NTM: variants seen among roughly 807,000 people sequenced by gnomAD.
The protein encoded by NTM is neurotrimin.
Under a neutral mutation model 42.1 loss-of-function variants are expected in NTM, and 13 were observed. That is an observed-to-expected ratio of 0.31 (90% confidence interval 0.20 to 0.49). NTM has a LOEUF of 0.49. NTM is among the 20% of genes least tolerant of loss of function. The probability of loss-of-function intolerance (pLI) is 0.99; values close to 1 mark genes in which losing one functional copy is unlikely to be tolerated. For synonymous variants in NTM, 187 were observed against 179.2 expected (o/e 1.04, Z -0.35); for missense variants, 373 against 452.8 (o/e 0.82, Z 1.60).
At position 131,860,801 on chromosome 11, in the gene NTM, A is replaced by G. The variant is rs538468905; in HGVS notation, c.83-50763A>G. On this transcript the variant is annotated intron_variant, in intron 1 of 8. Coordinates refer to ENST00000683400, the MANE Select transcript of NTM (RefSeq NM_001352005.2). The stretch of plus-strand genomic sequence containing the variant: ...GTAGAGGTGATGGTGGGGCTACATC[A>G]TCTTTCTGATTTGCACAACCTTCAT... 1.3e-3 allele frequency among the ~76,000 whole-genome samples: 200 copies of G among 152,200 alleles called. 1 individual carries two copies. Among genetic ancestry groups the G allele is most frequent in the African/African-American group, 4.6e-3 (190 of 41,522 alleles).
intron 1 of NTM, among the ~76,000 whole-genome samples, chr11:131,506,011 G>A (rs1591861656): frequency 6.6e-6 from 1 of 152,156 alleles, no homozygotes; most frequent in African/African-American, 2.4e-5. Context: ...TAAGAAGCCT[G>A]TTGGTGTTTC....
At chr11:131,483,875 G>T (rs1283641257) in intron 1 of NTM, among the ~76,000 whole-genome samples, 1 of 152,240 alleles carries the variant, frequency 6.6e-6, no homozygotes, top group Non-Finnish European at 1.5e-5. Context: ...CTTCTGCCTG[G>T]CGCTGCCGGC....
intron 2 of NTM, among the ~76,000 whole-genome samples, chr11:132,045,775 A>G (rs1278290436): frequency 1.3e-5 from 2 of 152,096 alleles, no homozygotes; most frequent in Admixed American, 6.5e-5. Flanking sequence ...CACGTGGGAC[A>G]TGGCAGCCAT....
chr11:131,990,908 G>C (rs910207675), intron 2 of NTM, among the ~76,000 whole-genome samples: 1 of 152,078 alleles, frequency 6.6e-6, no homozygotes, highest in African/African-American at 2.4e-5. Context: ...TGTTTTTATA[G>C]TGAGCGGGCT....
chr11:131,623,220 C>T (rs544506749), intron 1 of NTM, among the ~76,000 whole-genome samples: 1 of 152,308 alleles, frequency 6.6e-6, no homozygotes, highest in East Asian at 1.9e-4. Context: ...TGTGTGATCG[C>T]TGGGTGACCT....
chr11:131,766,849 G>A (rs931004868), intron 1 of NTM, among the ~76,000 whole-genome samples: 1 of 152,028 alleles, frequency 6.6e-6, no homozygotes, highest in Admixed American at 6.6e-5. Context: ...TGAGTAACGG[G>A]GCCCGTAAAT....
At chr11:131,965,694 A>C (rs1024226272) in intron 2 of NTM, among the ~76,000 whole-genome samples, 1 of 151,976 alleles carries the variant, frequency 6.6e-6, no homozygotes, top group African/African-American at 2.4e-5. Context: ...GCATCTTTCA[A>C]CTCTTGTCAC....
intron 1 of NTM, among the ~76,000 whole-genome samples, chr11:131,501,067 C>T (rs1284656700): frequency 8.6e-5 from 13 of 151,972 alleles, no homozygotes; most frequent in Admixed American, 3.3e-4. Context: ...TGCCTAGTTA[C>T]ATAACCACAA....
At chr11:131,909,108 T>G (rs962457457) in intron 1 of NTM, among the ~76,000 whole-genome samples, 3 of 152,212 alleles carry the variant, frequency 2.0e-5, no homozygotes, top group Admixed American at 2.0e-4. Flanking sequence ...TTTTGAGATA[T>G]TCACTGTAAA....
chr11:131,784,013 G>A (rs1235512608), intron 1 of NTM, among the ~76,000 whole-genome samples: 1 of 151,996 alleles, frequency 6.6e-6, no homozygotes, highest in East Asian at 1.9e-4. Context: ...CAATGAGAAA[G>A]ATCAATAATC....
At chr11:131,432,946 C>G (rs1007148341) in intron 1 of NTM, among the ~76,000 whole-genome samples, 2 of 143,790 alleles carry the variant, frequency 1.4e-5, no homozygotes, top group Non-Finnish European at 3.0e-5. Context: ...GCTCCGCCTC[C>G]CTGGTTCATG....
intron 1 of NTM, among the ~76,000 whole-genome samples, chr11:131,379,313 G>T (rs867192661): frequency 6.6e-6 from 1 of 152,216 alleles, no homozygotes; most frequent in African/African-American, 2.4e-5. Flanking sequence ...GCATCTGTCA[G>T]ATTTCAGGAA....
chr11:131,475,097 C>A (rs943417635), intron 1 of NTM, among the ~76,000 whole-genome samples: 1 of 152,168 alleles, frequency 6.6e-6, no homozygotes, highest in South Asian at 2.1e-4. Flanking sequence ...CTTCCTCTTT[C>A]CTCCACCATC....
chr11:131,434,868 C>T (rs1174922514), intron 1 of NTM, among the ~76,000 whole-genome samples: 2 of 152,176 alleles, frequency 1.3e-5, no homozygotes, highest in Admixed American at 1.3e-4. Flanking sequence ...CTCGCCCATG[C>T]CTATGTCCTG....
chr11:131,978,476 A>G (rs147522153), intron 2 of NTM, among the ~76,000 whole-genome samples: 37 of 152,278 alleles, frequency 2.4e-4, no homozygotes, highest in African/African-American at 8.7e-4. Context: ...CAGAAGAAAA[A>G]AAACAGTAGA....
chr11:131,396,235 G>GA (rs1944537469), intron 1 of NTM, among the ~76,000 whole-genome samples: 1 of 152,150 alleles, frequency 6.6e-6, no homozygotes, highest in African/African-American at 2.4e-5. Context: ...CCTACAAAAC[G>GA]GGGTCCATAT....
At chr11:131,993,114 TAGAAG>T (rs2067321214) in intron 2 of NTM, among the ~76,000 whole-genome samples, 1 of 152,150 alleles carries the variant, frequency 6.6e-6, no homozygotes, top group African/African-American at 2.4e-5. Context: ...GTAAGAAATT[TAGAAG>T]AGAGGAAACC....
intron 3 of NTM, among the ~76,000 whole-genome samples, chr11:132,184,731 C>T (rs2078130970): frequency 6.6e-6 from 1 of 152,156 alleles, no homozygotes; most frequent in Non-Finnish European, 1.5e-5. Context: ...TTTGTAATTA[C>T]ACAAGATGAA....
At chr11:131,685,847 G>A (rs1298806688) in intron 1 of NTM, among the ~76,000 whole-genome samples, 1 of 152,188 alleles carries the variant, frequency 6.6e-6, no homozygotes, top group African/African-American at 2.4e-5. Flanking sequence ...TCGGCATAAA[G>A]AAGACACTCA....
Sources: allele counts gnomAD v4.1 joint callset (sites outside exome capture counted in the v4.1 genomes callset), GRCh38; gene constraint gnomAD v4.1.1; transcripts MANE v1.5; gene names NCBI Gene and HGNC (gene_info 2026-07-23, HGNC 2026-07-21).